SYCP2L: variants seen among roughly 807,000 people sequenced by gnomAD.
SYCP2L encodes the protein synaptonemal complex protein 2 like.
Under a neutral mutation model 125.8 loss-of-function variants are expected in SYCP2L, and 98 were observed. The ratio of observed to expected loss-of-function variants is 0.78; its 90% CI spans 0.66 to 0.92. The LOEUF (loss-of-function observed/expected upper bound fraction) is 0.92. Ranked by LOEUF, SYCP2L falls within the 40% of genes least tolerant of loss-of-function variation. SYCP2L has a pLI of 0.00. For synonymous variants in SYCP2L, 317 were observed against 325.4 expected, an observed-to-expected ratio of 0.97 and a Z score of 0.28; for missense variants, 842 against 936.4, an observed-to-expected ratio of 0.90 and a Z score of 1.32.
At chr6:10,964,625 G>A (rs1781648637) in intron 29 of SYCP2L, among the ~76,000 whole-genome samples, 1 of 152,052 alleles carries the variant, frequency 6.6e-6, no homozygotes, top group South Asian at 2.1e-4. Context: ...CAGATTTTCA[G>A]ATTAGGTATG....
At chr6:10,937,954 C>T (rs891734609) in intron 21 of SYCP2L, among the ~76,000 whole-genome samples, 6 of 152,194 alleles carry the variant, frequency 3.9e-5, no homozygotes, top group Middle Eastern at 3.4e-3. Context: ...CAGGGCCAGA[C>T]GGTTTCACTG....
At chr6:10,904,306 G>A (rs956198850) in intron 8 of SYCP2L, among the ~76,000 whole-genome samples, 20 of 152,154 alleles carry the variant, frequency 1.3e-4, no homozygotes, top group African/African-American at 4.6e-4. Context: ...AACCAGCACC[G>A]TGTTTTGAAG....
At chr6:10,916,760 T>C (rs1183014880) in intron 14 of SYCP2L, among the ~76,000 whole-genome samples, 1 of 152,088 alleles carries the variant, frequency 6.6e-6, no homozygotes, top group East Asian at 1.9e-4. Context: ...GAGGCCAGGG[T>C]GGGCAGATCA....
intron 28 of SYCP2L, among the ~76,000 whole-genome samples, chr6:10,961,784 T>C (rs1354541553): frequency 6.6e-6 from 1 of 152,210 alleles, no homozygotes; most frequent in African/African-American, 2.4e-5. Context: ...TTTCTGTGTT[T>C]TTTTAAAATC....
chr6:10,900,509 C>G (rs770388059), intron 6 of SYCP2L, among the ~76,000 whole-genome samples: 1 of 152,104 alleles, frequency 6.6e-6, no homozygotes, highest in Admixed American at 6.6e-5. Flanking sequence ...TGTGCCACCA[C>G]GCCTGGCTAA....
chr6:10,973,300 A>ACGG (rs927856512), intron 29 of SYCP2L, among the ~76,000 whole-genome samples: 16 of 152,174 alleles, frequency 1.1e-4, no homozygotes, highest in African/African-American at 3.9e-4. Context: ...TAGGAAGCCG[A>ACGG]GGTGGGCGGA....
chr6:10,946,770 A>C (rs561987919), intron 23 of SYCP2L, among the ~76,000 whole-genome samples: 71 of 150,604 alleles, frequency 4.7e-4, no homozygotes, highest in African/African-American at 1.6e-3. Context: ...TTTTCCATTT[A>C]TCCTTGGTAA....
At chr6:10,942,600 A>T in intron 22 of SYCP2L, 71 bp downstream of exon 22, 1 of 1,584,390 alleles carries the variant, frequency 6.3e-7, no homozygotes, top group Non-Finnish European at 8.6e-7. Flanking sequence ...CACATTGGCT[A>T]TTCCTTCTGA....
At chr6:10,958,339 G>T (rs1275876995) in intron 25 of SYCP2L, among the ~76,000 whole-genome samples, 6 of 152,128 alleles carry the variant, frequency 3.9e-5, no homozygotes, top group Admixed American at 3.9e-4. Context: ...GGCCAAGGGG[G>T]AGCAGGCGTG....
chr6:10,940,682 G>C (rs1781201818), intron 21 of SYCP2L, among the ~76,000 whole-genome samples: 1 of 152,146 alleles, frequency 6.6e-6, no homozygotes, highest in East Asian at 1.9e-4. Context: ...TAGGAGGTGG[G>C]GGGAAAGAGG....
chr6:10,920,854 T>C (rs1780787006), intron 14 of SYCP2L, among the ~76,000 whole-genome samples: 1 of 152,038 alleles, frequency 6.6e-6, no homozygotes, highest in Admixed American at 6.6e-5. Flanking sequence ...AACTTTTAAG[T>C]TCATGGGTAC....
At chr6:10,963,286 G>A (rs1781622734) in intron 28 of SYCP2L, 1 of 153,600 alleles carries the variant, frequency 6.5e-6, no homozygotes, top group Non-Finnish European at 1.5e-5. Flanking sequence ...GGATGATGGT[G>A]ATTCTCTTAG....
rs1781471402 is a variant in SYCP2L, at chr6:10,954,789, T to A, written c.1955-327T>A. Among the ~76,000 whole-genome samples, 1 of 152,170 alleles carries A rather than the reference T, an allele frequency of 6.6e-6. No homozygotes were observed. Among genetic ancestry groups the A allele is most frequent in the Non-Finnish European group, 1.5e-5 (1 of 68,024 alleles). Reference sequence around the variant, plus strand: ...CTGGAAACCTTGCTGTCTTGCTATTTAGCTCAGAGCCCTGGAAGCGTTGCT... The same window carrying A: ...CTGGAAACCTTGCTGTCTTGCTATTAAGCTCAGAGCCCTGGAAGCGTTGCT... On this transcript the variant is annotated intron_variant, in intron 23 of 29. Transcript: ENST00000283141. The surrounding 1 kb of genome is among the most constrained non-coding windows in gnomAD (Gnocchi z 4.8).
At chr6:10,969,506 G>A (rs1393661825) in intron 29 of SYCP2L, among the ~76,000 whole-genome samples, 4 of 151,592 alleles carry the variant, frequency 2.6e-5, no homozygotes, top group South Asian at 2.1e-4. Flanking sequence ...GACTACAGGC[G>A]CCCGCCACCA....
chr6:10,923,380 C>CT (rs1226992236), intron 14 of SYCP2L, among the ~76,000 whole-genome samples: 2,819 of 92,422 alleles, frequency 0.031, 219 homozygotes, highest in African/African-American at 0.11. Flanking sequence ...GAAACACACA[C>CT]TTTTTTTTTT....
Position 10,932,899 on chromosome 6 carries a change from G to A in SYCP2L, c.1683+1410G>A, listed in dbSNP as rs558180984. Among the ~76,000 whole-genome samples the A allele has an allele frequency of 4.0e-4, 61 of 152,232 alleles. 1 individual carries two copies. The South Asian group carries it at 6.0e-3, about 15-fold the overall frequency. ...CTCCTGAGTAGCTGGGATTACAGGC[G>A]TCTGCCACCACGCCCAGCTAATGTT... On this transcript the variant is annotated intron_variant, in intron 20 of 29. Transcript: ENST00000283141.
At chr6:10,897,373 T>A (rs1384925628) in intron 4 of SYCP2L, among the ~76,000 whole-genome samples, 4 of 151,458 alleles carry the variant, frequency 2.6e-5, no homozygotes, top group Admixed American at 2.0e-4. Flanking sequence ...GATCGCAAGA[T>A]TTTTTTTCCA....
chr6:10,910,760 AC>A, intron 11 of SYCP2L, 63 bp from the exon 12 acceptor site: 1 of 1,547,494 alleles, frequency 6.5e-7, no homozygotes, highest in South Asian at 1.1e-5. Context: ...TTGTTGCGGA[AC>A]GTCTGTAGAT....
intron 23 of SYCP2L, among the ~76,000 whole-genome samples, chr6:10,952,914 G>A (rs544373937): frequency 5.9e-5 from 9 of 152,246 alleles, no homozygotes; most frequent in African/African-American, 2.2e-4. Context: ...AAGAAAAGAG[G>A]TACTAGCTCC....
Sources: allele counts gnomAD v4.1 joint callset (sites outside exome capture counted in the v4.1 genomes callset), GRCh38; gene constraint gnomAD v4.1.1; non-coding constraint Gnocchi (gnomAD v3.1); transcripts MANE v1.5; gene names NCBI Gene and HGNC (gene_info 2026-07-23, HGNC 2026-07-21).